AGPAT5: variants seen among roughly 807,000 people sequenced by gnomAD.
AGPAT5 encodes 1-acyl-sn-glycerol-3-phosphate acyltransferase epsilon.
A neutral mutation model predicts 45.6 loss-of-function variants in AGPAT5; 46 were observed. That is an observed-to-expected ratio of 1.01 (90% CI 0.80 to 1.29). The LOEUF is 1.29. Among genes scored for constraint, AGPAT5 ranks in the 50% most tolerant of loss-of-function variants. AGPAT5 has a pLI of 0.00. For missense variants in AGPAT5, 673 were observed against 450.7 expected (o/e 1.49, Z -4.47); for synonymous variants, 272 against 167.0 (o/e 1.63, Z -4.85).
At chr8:6,735,307 A>T (rs1417963167) in intron 4 of AGPAT5, among the ~76,000 whole-genome samples, 1 of 152,176 alleles carries the variant, frequency 6.6e-6, no homozygotes, top group African/African-American at 2.4e-5. Context: ...CCCTTCCCAC[A>T]GGGCTGCTTT....
intron 1 of AGPAT5, among the ~76,000 whole-genome samples, chr8:6,719,238 A>G (rs549365333): frequency 2.4e-4 from 36 of 152,288 alleles, no homozygotes; most frequent in Non-Finnish European, 3.7e-4. Flanking sequence ...TTTTTTGCAC[A>G]TTATTTTACA....
At chr8:6,713,963 AATG>A (rs1355104362) in intron 1 of AGPAT5, among the ~76,000 whole-genome samples, 1 of 152,180 alleles carries the variant, frequency 6.6e-6, no homozygotes, top group South Asian at 2.1e-4. Flanking sequence ...CTAAACTCCT[AATG>A]AGTTAAATTT....
At chr8:6,721,117 C>G (rs1171972098) in intron 1 of AGPAT5, among the ~76,000 whole-genome samples, 1 of 152,138 alleles carries the variant, frequency 6.6e-6, no homozygotes, top group Non-Finnish European at 1.5e-5. Context: ...CTATTTTGAT[C>G]TTATTTCAGA....
intron 5 of AGPAT5, among the ~76,000 whole-genome samples, chr8:6,744,539 ACGGGGTCCTGTGCTTGGTT>A (rs1159513886): frequency 2.6e-5 from 4 of 152,168 alleles, no homozygotes; most frequent in East Asian, 1.9e-4. Flanking sequence ...GTTCTCCTGT[ACGGGGTCCTGTGCTTGGTT>A]CGGGGTCCTG....
In AGPAT5 at chr8:6,708,718, C is replaced by T; in HGVS notation, c.50C>T (p.Pro17Leu). 1 of 1,606,528 alleles carries T rather than the reference C, an allele frequency of 6.2e-7. No individual in the cohort carries two copies. The highest frequency in any genetic ancestry group is 8.5e-7 in the Non-Finnish European group (1 of 1,179,640). Reference protein sequence around the residue: ...LHTYSMRYLLPSVVLLGTAPT... With the variant: ...LHTYSMRYLLLSVVLLGTAPT... ...ACGTACTCCATGCGCTACCTGCTGC[C>T]CAGCGTCGTGCTCCTGGGCACGGCG... Residue 17 changes from proline (P) to leucine (L), a missense_variant, in exon 1 of 8, where the codon CCC (proline) becomes CTC (leucine). Coordinates refer to ENST00000285518, the MANE Select transcript of AGPAT5 (RefSeq NM_018361.5).
At chr8:6,754,711 A>G (rs988790765) in intron 6 of AGPAT5, among the ~76,000 whole-genome samples, 1 of 152,128 alleles carries the variant, frequency 6.6e-6, no homozygotes, top group Non-Finnish European at 1.5e-5. Context: ...AGAGGTGAGT[A>G]TGGACTTAGA....
intron 1 of AGPAT5, among the ~76,000 whole-genome samples, chr8:6,716,881 T>C (rs1396364024): frequency 2.0e-5 from 3 of 152,162 alleles, no homozygotes; most frequent in Non-Finnish European, 4.4e-5. Context: ...GGCAGAGTAC[T>C]CTAGGGAATT....
At chr8:6,737,032 A>C (rs566412981) in intron 4 of AGPAT5, among the ~76,000 whole-genome samples, 1 of 152,324 alleles carries the variant, frequency 6.6e-6, no homozygotes, top group South Asian at 2.1e-4. Context: ...CCAGCTTTTT[A>C]AGTTGTTTTC....
chr8:6,717,189 C>T (rs1800361037), intron 1 of AGPAT5, among the ~76,000 whole-genome samples: 1 of 152,198 alleles, frequency 6.6e-6, no homozygotes, highest in African/African-American at 2.4e-5. Flanking sequence ...TGAGCCTATG[C>T]AATTCTCCAA....
chr8:6,739,007 T>G (rs1801148730), intron 4 of AGPAT5, among the ~76,000 whole-genome samples: 1 of 152,102 alleles, frequency 6.6e-6, no homozygotes, highest in African/African-American at 2.4e-5. Flanking sequence ...TGGTGTAAGA[T>G]CGAAGTTCAT....
chr8:6,729,708 A>G (rs908512313), intron 2 of AGPAT5, among the ~76,000 whole-genome samples: 1 of 151,960 alleles, frequency 6.6e-6, no homozygotes, highest in Non-Finnish European at 1.5e-5. Flanking sequence ...GGCAAGGGCC[A>G]CTCTCTGTGT....
intron 4 of AGPAT5, among the ~76,000 whole-genome samples, chr8:6,741,031 A>T: frequency 6.6e-6 from 1 of 152,138 alleles, no homozygotes; most frequent in Non-Finnish European, 1.5e-5. Context: ...AAAAACTTAG[A>T]CTAATTGATT....
chr8:6,756,912 A>C (rs1189956311), intron 7 of AGPAT5, among the ~76,000 whole-genome samples: 1 of 152,256 alleles, frequency 6.6e-6, no homozygotes, highest in African/African-American at 2.4e-5. Flanking sequence ...AAGCATCCTC[A>C]TAAAATGCCT....
At chr8:6,740,955 C>G (rs761094879) in intron 4 of AGPAT5, among the ~76,000 whole-genome samples, 1 of 152,146 alleles carries the variant, frequency 6.6e-6, no homozygotes, top group African/African-American at 2.4e-5. Flanking sequence ...ACTCAGTTCT[C>G]AAGCTAGGAG....
intron 1 of AGPAT5, among the ~76,000 whole-genome samples, chr8:6,721,087 A>G (rs188852938): frequency 6.8e-4 from 104 of 152,220 alleles, no homozygotes; most frequent in Non-Finnish European, 1.3e-3. Flanking sequence ...TGTATTGATT[A>G]TTGGGCAAGT....
At position 6,757,646 on chromosome 8, in the gene AGPAT5, G is replaced by C. The variant is rs1005291692; in HGVS notation, c.*258G>C. 2.9e-5 allele frequency: 10 copies of C among 346,318 alleles called. No individual in the cohort carries two copies. The highest frequency in any genetic ancestry group is 1.9e-4 in the African/African-American group (9 of 48,126). The allele number at this position is 346,318 out of a possible 1,614,324, so 21.5% of individuals were successfully genotyped here. On this transcript the variant is annotated 3_prime_UTR_variant, in exon 8 of 8. Coordinates refer to ENST00000285518, the MANE Select transcript of AGPAT5 (RefSeq NM_018361.5). The stretch of plus-strand genomic sequence containing the variant: ...TTCTCCTGCTCTGTCCATTTCCTAT[G>C]AACTAATGACAACTTGAGAAGGCTG...
At chr8:6,727,562 G>C (rs1800730566) in intron 2 of AGPAT5, among the ~76,000 whole-genome samples, 1 of 152,106 alleles carries the variant, frequency 6.6e-6, no homozygotes, top group African/African-American at 2.4e-5. Context: ...TGTATTTTCA[G>C]TAGAGATGGG....
At chr8:6,743,089 C>T (rs1270815409) in intron 5 of AGPAT5, among the ~76,000 whole-genome samples, 1 of 152,176 alleles carries the variant, frequency 6.6e-6, no homozygotes, top group Non-Finnish European at 1.5e-5. Flanking sequence ...AAATTCTCTC[C>T]CTAGACTTCT....
intron 1 of AGPAT5, among the ~76,000 whole-genome samples, chr8:6,714,436 T>TA (rs925294916): frequency 3.9e-5 from 6 of 152,204 alleles, no homozygotes; most frequent in African/African-American, 1.2e-4. Context: ...AGGAAAATAC[T>TA]AAAAAAATGT....
Sources: allele counts gnomAD v4.1 joint callset (sites outside exome capture counted in the v4.1 genomes callset), GRCh38; gene constraint gnomAD v4.1.1; transcripts MANE v1.5; gene names NCBI Gene and HGNC (gene_info 2026-07-23, HGNC 2026-07-21).